The following YTHDC2 variants were observed in gnomAD, a reference collection of about 807,000 sequenced individuals.
YTHDC2 encodes 3'-5' RNA helicase YTHDC2.
A neutral mutation model predicts 174.9 loss-of-function variants in YTHDC2; 45 were observed. The ratio of observed to expected loss-of-function variants is 0.26; its 90% CI spans 0.20 to 0.33. The LOEUF (loss-of-function observed/expected upper bound fraction) is 0.33, where lower values mean the gene tolerates loss of function less well. Among genes scored for constraint, YTHDC2 ranks in the 10% least tolerant of loss-of-function variants. YTHDC2 has a pLI of 1.00. For synonymous variants in YTHDC2, 657 were observed against 574.5 expected (o/e 1.14, Z -2.05); for missense variants, 1,650 against 1,723.7 (o/e 0.96, Z 0.76).
At chr5:113,559,046 C>T (rs1383933855) in intron 17 of YTHDC2, among the ~76,000 whole-genome samples, 1 of 151,874 alleles carries the variant, frequency 6.6e-6, no homozygotes, top group Non-Finnish European at 1.5e-5. Context: ...ATTAAAGTTC[C>T]TTCAGGGGAG....
chr5:113,528,034 T>A (rs1251381096), intron 4 of YTHDC2, among the ~76,000 whole-genome samples: 1 of 152,248 alleles, frequency 6.6e-6, no homozygotes, highest in Non-Finnish European at 1.5e-5. Context: ...TAGATTGTTA[T>A]AATTTTTTTA....
At chr5:113,572,455 G>T (rs577863103) in intron 23 of YTHDC2, among the ~76,000 whole-genome samples, 44 of 152,356 alleles carry the variant, frequency 2.9e-4, no homozygotes, top group African/African-American at 9.9e-4. Context: ...TTTTTGGGTA[G>T]AGAGTTCTGT....
intron 23 of YTHDC2, among the ~76,000 whole-genome samples, chr5:113,571,626 CTCTT>C (rs562312335): frequency 2.6e-5 from 4 of 152,132 alleles, no homozygotes; most frequent in Non-Finnish European, 5.9e-5. Flanking sequence ...GGTTGGTAGG[CTCTT>C]TATTACTGCC....
chr5:113,573,738 C>A (rs898279152), intron 23 of YTHDC2, among the ~76,000 whole-genome samples: 1 of 152,086 alleles, frequency 6.6e-6, no homozygotes, highest in African/African-American at 2.4e-5. Flanking sequence ...CTCTGAGATT[C>A]TATTCTCTGC....
chr5:113,557,240 T>G (rs977989086), intron 17 of YTHDC2, among the ~76,000 whole-genome samples: 1 of 152,220 alleles, frequency 6.6e-6, no homozygotes, highest in South Asian at 2.1e-4. Flanking sequence ...TGGGTTACTT[T>G]TTAATTTTCA....
Position 113,548,554 on chromosome 5 carries a change from T to A in YTHDC2, c.1509T>A (p.His503Gln). 1.2e-6 allele frequency: 2 copies of A among 1,603,278 alleles called. No individual in the cohort carries two copies. The highest frequency in any genetic ancestry group is 1.7e-6 in the Non-Finnish European group (2 of 1,176,694). Residue 503 changes from histidine (H) to glutamine (Q), a missense_variant, in exon 11 of 30, where the codon CAT becomes CAA. This residue lies in a region of YTHDC2 where 411 missense variants were observed against 380.6 expected (regional missense o/e 1.08). Transcript: ENST00000161863. ...TCCTTTTTTTAGTTGATTACAGACA[T>A]AGTGAAACCAGTGCAACAGCTCTGA... ...LTENVSVDYR[H>Q]SETSATALMV... is the part of the protein sequence containing the mutation.
chr5:113,540,931 ATTTG>A, intron 8 of YTHDC2, 33 bp from the exon 9 acceptor site: 1 of 1,574,246 alleles, frequency 6.4e-7, no homozygotes, highest in Non-Finnish European at 8.7e-7. Flanking sequence ...AAAGGAAATG[ATTTG>A]TCTACATATT....
At chr5:113,528,930 T>TG (rs1315182779) in intron 4 of YTHDC2, among the ~76,000 whole-genome samples, 1 of 152,104 alleles carries the variant, frequency 6.6e-6, no homozygotes, top group Non-Finnish European at 1.5e-5. Context: ...GTAGTGGTGG[T>TG]GGGGGGTTTG....
At chr5:113,589,410 T>A (rs57427605) in intron 26 of YTHDC2, among the ~76,000 whole-genome samples, 13,200 of 93,272 alleles carry the variant, frequency 0.14, 673 homozygotes, top group East Asian at 0.28. Flanking sequence ...AAAAAAAAAA[T>A]ATATATATAT....
chr5:113,567,628 A>G (rs747254324), intron 22 of YTHDC2, 26 bp from the exon 23 acceptor site: 14 of 1,540,368 alleles, frequency 9.1e-6, no homozygotes, highest in Non-Finnish European at 1.1e-5. Flanking sequence ...ACAATTAACA[A>G]TTTTTAAAAT....
intron 17 of YTHDC2, among the ~76,000 whole-genome samples, chr5:113,558,653 G>GAGTTGCCTGTAGAA (rs1312792365): frequency 6.6e-6 from 1 of 152,080 alleles, no homozygotes; most frequent in African/African-American, 2.4e-5. Context: ...TTTTGAGTTT[G>GAGTTGCCTGTAGAA]AGTTGCCTGT....
chr5:113,534,809 A>G (rs1168506254), intron 6 of YTHDC2, among the ~76,000 whole-genome samples: 1 of 152,172 alleles, frequency 6.6e-6, no homozygotes, highest in Non-Finnish European at 1.5e-5. Context: ...GGGTATACTA[A>G]TAAACTCCAT....
chr5:113,542,568 T>A, intron 10 of YTHDC2, 65 bp downstream of exon 10: 1 of 1,459,352 alleles, frequency 6.9e-7, no homozygotes, highest in Non-Finnish European at 9.2e-7. Flanking sequence ...ATAGTTTAAT[T>A]CAAAACGTAT....
rs1554104025 is a variant in YTHDC2 at position 113,592,206 on chromosome 5, T to A, written c.4212+28T>A. 17 of 1,560,062 alleles carry A rather than the reference T, an allele frequency of 1.1e-5. No individual in the cohort carries two copies. In the South Asian group the frequency reaches 2.1e-4, roughly 19 times the overall value. The stretch of plus-strand genomic sequence containing the variant: ...ATACAATGGCATTTTTTTTTTTATT[T>A]ACTTTTGTTTCTGTTTGTTTTCTGT... On this transcript the variant is annotated intron_variant, in intron 28 of 29. Coordinates refer to ENST00000161863, the MANE Select transcript of YTHDC2 (RefSeq NM_022828.5).
At chr5:113,564,978 T>C (rs1777234853) in intron 20 of YTHDC2, among the ~76,000 whole-genome samples, 1 of 151,808 alleles carries the variant, frequency 6.6e-6, no homozygotes, top group Non-Finnish European at 1.5e-5. Flanking sequence ...CATGCCCAGC[T>C]AATTTTTGTG....
At chr5:113,542,667 C>T (rs1775570218) in intron 10 of YTHDC2, among the ~76,000 whole-genome samples, 164 bp downstream of exon 10, 1 of 152,118 alleles carries the variant, frequency 6.6e-6, no homozygotes, top group African/African-American at 2.4e-5. Flanking sequence ...TTCTTGCTAG[C>T]ACAGCATAGT....
chr5:113,591,273 G>T, intron 27 of YTHDC2, 29 bp downstream of exon 27: 2 of 1,610,330 alleles, frequency 1.2e-6, no homozygotes, highest in Non-Finnish European at 1.7e-6. Context: ...GTAAAATGGG[G>T]TTGTTCTGGC....
rs1170088889 is a variant in YTHDC2, at chr5:113,592,450, CTTGT to C, written c.4212+275_4212+278del. The C allele has an allele frequency of 8.7e-5, 22 of 254,258 alleles. No homozygotes were observed. The Admixed American group carries it at 1.1e-3, about 13-fold the overall frequency. 15.8% of individuals were successfully genotyped at this position (254,258 alleles called of 1,614,324 possible). On this transcript the variant is annotated intron_variant, in intron 28 of 29. Coordinates refer to ENST00000161863, the MANE Select transcript of YTHDC2 (RefSeq NM_022828.5). ...AAATAACCTTTTTATATTCTAGTGG[CTTGT>C]TTATTTCTATTGTGTTTTGCTTTGT...
chr5:113,556,097 T>A lies in YTHDC2; in HGVS notation c.2179T>A (p.Trp727Arg). ...LNFVTMLKMV[W>R]ISKASAIQRK... ...TTTTGTTACAATGTTAAAAATGGTATGGATTTCCAAAGCTAGTGCCATACA... is the reference window on the plus strand; with the variant it reads ...TTTTGTTACAATGTTAAAAATGGTAAGGATTTCCAAAGCTAGTGCCATACA... The change falls in exon 17 of 30, where the codon TGG becomes AGG. Residue 727 changes from tryptophan to arginine, a missense_variant. This residue lies in a region of YTHDC2 where 913 missense variants were observed against 940.4 expected (regional missense o/e 0.97). Coordinates refer to ENST00000161863, the MANE Select transcript of YTHDC2 (RefSeq NM_022828.5). The A allele has an allele frequency of 6.2e-7, 1 of 1,610,152 alleles. No individual in the cohort carries two copies. The highest frequency in any genetic ancestry group is 8.5e-7 in the Non-Finnish European group (1 of 1,177,210).
Sources: gnomAD v4.1 joint callset for allele counts (sites outside exome capture counted in the v4.1 genomes callset) on GRCh38, gnomAD v4.1.1 for gene constraint, gnomAD v4.1.1 regional missense constraint, MANE v1.5 for transcripts, NCBI Gene and HGNC (gene_info 2026-07-23, HGNC 2026-07-21) for gene names.